The following CLIP4 variants were observed in gnomAD, a reference collection of about 807,000 sequenced individuals.
The protein encoded by CLIP4 is CAP-Gly domain-containing linker protein 4.
In CLIP4, 47 loss-of-function variants were observed where a neutral mutation model predicts 73.1. The observed-to-expected ratio is 0.64, with a 90% CI of 0.51 to 0.82. The LOEUF (loss-of-function observed/expected upper bound fraction) is 0.82. CLIP4 is among the 40% of genes least tolerant of loss of function. CLIP4 has a pLI of 0.00. For synonymous variants in CLIP4, 306 were observed against 295.4 expected (o/e 1.04, Z -0.37); for missense variants, 874 against 852.9 (o/e 1.02, Z -0.31).
At chr2:29,127,754 A>G (rs1027991685) in intron 2 of CLIP4, among the ~76,000 whole-genome samples, 2 of 152,116 alleles carry the variant, frequency 1.3e-5, no homozygotes, top group Non-Finnish European at 2.9e-5. Flanking sequence ...TCTTCCAGCA[A>G]TTTTGTATCA....
chr2:29,132,956 G>A (rs1476755990), intron 4 of CLIP4, among the ~76,000 whole-genome samples: 2 of 152,192 alleles, frequency 1.3e-5, no homozygotes, highest in Admixed American at 6.5e-5. Context: ...GGGAGGCCCA[G>A]GCAGGAGGAT....
chr2:29,145,135 T>C, intron 7 of CLIP4, 97 bp from the exon 8 acceptor site: 1 of 1,051,260 alleles, frequency 9.5e-7, no homozygotes, highest in South Asian at 1.9e-5. Flanking sequence ...AGAGAGTGAA[T>C]TTTTAAAAAC....
Position 29,181,922 on chromosome 2 carries a change from A to G in CLIP4, c.*29A>G, listed in dbSNP as rs1466980167. On this transcript the variant is annotated 3_prime_UTR_variant, in exon 16 of 16. Coordinates refer to ENST00000320081, the MANE Select transcript of CLIP4 (RefSeq NM_024692.6). ...TCTAAAATATTAAATAAGCTCAAAT[A>G]TATATATTTGGTGTAAATAAAGAGT... The G allele has an allele frequency of 1.2e-5, 18 of 1,527,816 alleles. No individual in the cohort carries two copies. The highest frequency in any genetic ancestry group is 1.5e-5 in the Non-Finnish European group (17 of 1,128,600). 94.6% of individuals were successfully genotyped at this position (1,527,816 alleles called of 1,614,324 possible).
chr2:29,125,964 TAGG>T (rs1359294695), intron 2 of CLIP4, among the ~76,000 whole-genome samples: 1 of 151,964 alleles, frequency 6.6e-6, no homozygotes, highest in African/African-American at 2.4e-5. Context: ...CACCTGAGGT[TAGG>T]AGTTCAAGAC....
At chr2:29,162,428 C>T (rs1667350956) in intron 12 of CLIP4, among the ~76,000 whole-genome samples, 1 of 152,086 alleles carries the variant, frequency 6.6e-6, no homozygotes, top group Non-Finnish European at 1.5e-5. Flanking sequence ...ATCAGTGCCA[C>T]CTTGGAAAGA....
Position 29,156,353 on chromosome 2 carries a change from G to GGATT in CLIP4, c.1166_1169dup (p.Met391IlefsTer8). ...TAAAGTGTTTTATTTTTGTGTCCAA[G>GGATT]GATTAATGACATCAAAAAAAGATAG... On this transcript the variant is annotated frameshift_variant and splice_region_variant. Transcript: ENST00000320081. LOFTEE classifies it high-confidence loss of function. 1 of 1,562,700 alleles carries GGATT rather than the reference G, an allele frequency of 6.4e-7. No individual in the cohort carries two copies. The highest frequency in any genetic ancestry group is 8.6e-7 in the Non-Finnish European group (1 of 1,164,120).
intron 1 of CLIP4, among the ~76,000 whole-genome samples, chr2:29,109,973 G>A (rs779264499): frequency 2.6e-5 from 4 of 152,080 alleles, no homozygotes; most frequent in Admixed American, 1.3e-4. Context: ...CAGGAGAATC[G>A]CTTGAACCGA....
rs574411417 is a variant in CLIP4, at chr2:29,182,829, T to C, written c.*936T>C. The C allele has an allele frequency of 4.6e-5, 7 of 152,800 alleles. No homozygotes were observed. The highest frequency in any genetic ancestry group is 1.7e-4 in the African/African-American group (7 of 41,588). The allele number at this position is 152,800 out of a possible 1,614,324, so 9.5% of individuals were successfully genotyped here. ...TTTTATCTTTGTGAATAATTTACTG[T>C]CCTTTCCTCCTGGGATATGAGAAAC... On this transcript the variant is annotated 3_prime_UTR_variant, in exon 16 of 16. Transcript: ENST00000320081.
chr2:29,119,370 G>A (rs1664097530), intron 1 of CLIP4, among the ~76,000 whole-genome samples: 1 of 152,146 alleles, frequency 6.6e-6, no homozygotes, highest in African/African-American at 2.4e-5. Context: ...GGAAATGAAA[G>A]GTGCTCTGGG....
chr2:29,124,630 CA>C (rs1464980343), intron 2 of CLIP4, among the ~76,000 whole-genome samples: 3 of 151,834 alleles, frequency 2.0e-5, no homozygotes, highest in Admixed American at 6.6e-5. Context: ...TATATTTAAA[CA>C]TTTTTTTCTC....
At chr2:29,156,493 C>G in intron 10 of CLIP4, 50 bp downstream of exon 10, 1 of 1,304,232 alleles carries the variant, frequency 7.7e-7, no homozygotes, top group Non-Finnish European at 1.1e-6. Context: ...TTTGATGGAA[C>G]TTTAAAATAT....
intron 8 of CLIP4, among the ~76,000 whole-genome samples, chr2:29,149,854 C>T (rs529561702): frequency 1.3e-5 from 2 of 151,892 alleles, no homozygotes; most frequent in African/African-American, 4.8e-5. Flanking sequence ...ACAGAGATTT[C>T]CTGGTGAGAT....
intron 6 of CLIP4, among the ~76,000 whole-genome samples, chr2:29,142,844 T>C (rs1461371603): frequency 6.6e-6 from 1 of 152,198 alleles, no homozygotes; most frequent in Non-Finnish European, 1.5e-5. Context: ...CTAAGGTTTT[T>C]GGTTAGGGAA....
intron 7 of CLIP4, among the ~76,000 whole-genome samples, chr2:29,144,298 A>G (rs941639518): frequency 1.3e-5 from 2 of 152,110 alleles, no homozygotes; most frequent in Non-Finnish European, 2.9e-5. Flanking sequence ...GCTCCTCCAT[A>G]GAAATGGAGC....
At chr2:29,162,368 A>G (rs1297405144) in intron 12 of CLIP4, among the ~76,000 whole-genome samples, 1 of 152,228 alleles carries the variant, frequency 6.6e-6, no homozygotes, top group African/African-American at 2.4e-5. Flanking sequence ...TTTGGAGGTT[A>G]TAAGATCTAG....
Position 29,181,648 on chromosome 2 carries a change from G to A in CLIP4, c.1873G>A (p.Glu625Lys), listed in dbSNP as rs527998206. The A allele has an allele frequency of 1.2e-5, 19 of 1,614,168 alleles. No individual in the cohort carries two copies. Among genetic ancestry groups the A allele is most frequent in the East Asian group, 1.1e-4 (5 of 44,880 alleles). The change falls in exon 16 of 16, where the codon GAG (glutamate) becomes AAG (lysine). Residue 625 changes from glutamate to lysine, a missense_variant. Glu to Lys is a moderately conservative substitution (Grantham distance 56). Transcript: ENST00000320081. ...GGIEGSVKLH[E>K]GSQVLLTSSN... ...CATTGAAGGGAGCGTGAAGCTGCAC[G>A]AGGGGTCTCAGGTCCTGCTCACGAG...
chr2:29,138,698 A>G (rs749482309), intron 6 of CLIP4, among the ~76,000 whole-genome samples: 8 of 151,988 alleles, frequency 5.3e-5, no homozygotes, highest in Non-Finnish European at 8.8e-5. Flanking sequence ...TAGTTATTGT[A>G]GAGATCTTCC....
chr2:29,136,185 G>GTTTTTTTTTTTTTTTTTTTTT (rs746326403), intron 6 of CLIP4, among the ~76,000 whole-genome samples: 1 of 146,220 alleles, frequency 6.8e-6, no homozygotes. Flanking sequence ...ATTTGTTGTT[G>GTTTTTTTTTTTTTTTTTTTTT]TTGTTTTTTT....
At chr2:29,135,406 C>T in intron 5 of CLIP4, 142 bp from the exon 6 acceptor site, 1 of 447,446 alleles carries the variant, frequency 2.2e-6, no homozygotes, top group Non-Finnish European at 3.9e-6. Flanking sequence ...AGATTTTGTT[C>T]TGTTGTGAAA....
Sources: gnomAD v4.1 joint callset for allele counts (sites outside exome capture counted in the v4.1 genomes callset) on GRCh38, gnomAD v4.1.1 for gene constraint, MANE v1.5 for transcripts, NCBI Gene and HGNC (gene_info 2026-07-23, HGNC 2026-07-21) for gene names.